Variants in FYTTD1 observed in about 807,000 individuals in gnomAD.
FYTTD1 encodes forty-two-three domain containing 1.
In FYTTD1, 22 loss-of-function variants were observed where a neutral mutation model predicts 40.9. The ratio of observed to expected loss-of-function variants is 0.54; its 90% CI spans 0.38 to 0.77. The LOEUF (loss-of-function observed/expected upper bound fraction) is 0.77. Among genes scored for constraint, FYTTD1 ranks in the 30% least tolerant of loss-of-function variants. The pLI is 0.00. For synonymous variants in FYTTD1, 140 were observed against 137.9 expected, an observed-to-expected ratio of 1.01 and a Z score of -0.10; for missense variants, 351 against 392.2, an observed-to-expected ratio of 0.90 and a Z score of 0.89.
intron 2 of FYTTD1, among the ~76,000 whole-genome samples, chr3:197,766,430 G>GTGTGTGTGTGTGTGT (rs1553909119): frequency 8.9e-5 from 12 of 135,072 alleles, no homozygotes; most frequent in East Asian, 4.7e-4. Context: ...GTTTGAGACT[G>GTGTGTGTGTGTGTGT]GTGTGTGTGT....
rs539574556 is a variant in FYTTD1, at chr3:197,761,680, T to C, written c.235+5123T>C. 2.0e-5 allele frequency among the ~76,000 whole-genome samples: 3 copies of C among 152,350 alleles called. No homozygotes were observed. In the East Asian group the frequency reaches 5.8e-4, roughly 29 times the overall value. ...GTCGTCAGGTACCCTTGGGGATCCC[T>C]AAGACATGGGGGATCCACAAGATCA... On this transcript the variant is annotated intron_variant, in intron 2 of 8. Coordinates refer to ENST00000241502, the MANE Select transcript of FYTTD1 (RefSeq NM_032288.7).
chr3:197,750,671 A>G, intron 1 of FYTTD1: 1 of 985,398 alleles, frequency 1.0e-6, no homozygotes, highest in Non-Finnish European at 1.2e-6. Flanking sequence ...TCAGAAAGGA[A>G]GCAGCGCTCG....
rs971289848 is a variant in FYTTD1 at position 197,783,476 on chromosome 3, C to T, written c.*1567C>T. 2 of 152,506 alleles carry T rather than the reference C, an allele frequency of 1.3e-5. No individual in the cohort carries two copies. The highest frequency in any genetic ancestry group is 4.8e-5 in the African/African-American group (2 of 41,394). The allele number at this position is 152,506 out of a possible 1,614,324, so 9.4% of individuals were successfully genotyped here. The stretch of plus-strand genomic sequence containing the variant: ...ATCAGTAACAGTTTCATGCTTATAC[C>T]AAAGAATTAAATCTGATCTTTAATA... On this transcript the variant is annotated 3_prime_UTR_variant, in exon 9 of 9. Transcript: ENST00000241502.
At chr3:197,780,055 G>A (rs1729986819) in intron 8 of FYTTD1, among the ~76,000 whole-genome samples, 1 of 138,878 alleles carries the variant, frequency 7.2e-6, no homozygotes, top group African/African-American at 2.8e-5. Flanking sequence ...CACACCTGGG[G>A]ATGCAGGCAC....
intron 1 of FYTTD1, chr3:197,755,702 A>G: frequency 1.3e-6 from 1 of 773,990 alleles, no homozygotes; most frequent in Non-Finnish European, 2.1e-6. Flanking sequence ...TGGTCAGGCC[A>G]GTCCCGAACT....
At chr3:197,767,287 C>T (rs990488565) in intron 2 of FYTTD1, among the ~76,000 whole-genome samples, 3 of 151,150 alleles carry the variant, frequency 2.0e-5, no homozygotes, top group East Asian at 2.0e-4. Flanking sequence ...TACAGGCACC[C>T]GCCACCACGC....
At chr3:197,765,041 CGA>C (rs1485619916) in intron 2 of FYTTD1, among the ~76,000 whole-genome samples, 3 of 151,860 alleles carry the variant, frequency 2.0e-5, no homozygotes, top group African/African-American at 7.3e-5. Context: ...TTAGTAGAGA[CGA>C]GGTTTCACCA....
intron 2 of FYTTD1, among the ~76,000 whole-genome samples, chr3:197,759,654 T>C (rs896877150): frequency 6.6e-6 from 1 of 152,094 alleles, no homozygotes; most frequent in Non-Finnish European, 1.5e-5. Context: ...TATAGAGTTG[T>C]TCTTCAGTGG....
rs192559496 is a variant in FYTTD1, at chr3:197,767,389, C to T, written c.236-1050C>T. On this transcript the variant is annotated intron_variant, in intron 2 of 8. Transcript: ENST00000241502. ...TCCTGACCTTGTGATCCACCTGCCTCGGCCTTCCAGAGTGCTGGGATTACA... is the reference window on the plus strand; with the variant it reads ...TCCTGACCTTGTGATCCACCTGCCTTGGCCTTCCAGAGTGCTGGGATTACA... Among the ~76,000 whole-genome samples, 383 of 150,822 alleles carry T rather than the reference C, an allele frequency of 2.5e-3. 3 individuals are homozygous for T. The highest frequency in any genetic ancestry group is 0.013 in the South Asian group (64 of 4,786).
chr3:197,774,805 C>T (rs562167035), intron 6 of FYTTD1, among the ~76,000 whole-genome samples: 88 of 151,176 alleles, frequency 5.8e-4, no homozygotes, highest in African/African-American at 2.1e-3. Context: ...CAGCATAGCT[C>T]GATCGCCAGT....
At chr3:197,765,519 A>G (rs1045753598) in intron 2 of FYTTD1, among the ~76,000 whole-genome samples, 2 of 152,146 alleles carry the variant, frequency 1.3e-5, no homozygotes, top group Non-Finnish European at 2.9e-5. Flanking sequence ...ATCTAGTTGC[A>G]ATTTTAGAAG....
At chr3:197,761,247 T>G (rs1204440014) in intron 2 of FYTTD1, among the ~76,000 whole-genome samples, 2 of 151,970 alleles carry the variant, frequency 1.3e-5, no homozygotes, top group Non-Finnish European at 2.9e-5. Flanking sequence ...AGTGGTAGAA[T>G]GTATAGAGTT....
At chr3:197,750,795 T>C in intron 1 of FYTTD1, 1 of 985,492 alleles carries the variant, frequency 1.0e-6, no homozygotes, top group Non-Finnish European at 1.2e-6. Flanking sequence ...GAAGGAGAGA[T>C]GATTGCTGTG....
chr3:197,770,709 T>C (rs1729692110), intron 4 of FYTTD1, among the ~76,000 whole-genome samples: 1 of 151,340 alleles, frequency 6.6e-6, no homozygotes, highest in African/African-American at 2.4e-5. Context: ...CACCATGCCC[T>C]GCTAATTTTT....
chr3:197,765,008 C>T (rs1729501763), intron 2 of FYTTD1, among the ~76,000 whole-genome samples: 2 of 151,748 alleles, frequency 1.3e-5, no homozygotes, highest in South Asian at 2.1e-4. Flanking sequence ...CACCACCACG[C>T]CTGGTGGCTA....
chr3:197,778,466 T>A lies in FYTTD1; in HGVS notation c.858+2T>A. The A allele has an allele frequency of 6.3e-7, 1 of 1,590,146 alleles. No homozygotes were observed. Among genetic ancestry groups the A allele is most frequent in the Non-Finnish European group, 8.6e-7 (1 of 1,167,360 alleles). On this transcript the variant is annotated splice_donor_variant, in intron 8 of 8. Coordinates refer to ENST00000241502, the MANE Select transcript of FYTTD1 (RefSeq NM_032288.7). LOFTEE classifies it high-confidence loss of function. Reference sequence around the variant, plus strand: ...GACATAAACAGTGTCGGAAAACAGGTAAAAAAACGTTTTCTGTATTTTCTT... The same window carrying A: ...GACATAAACAGTGTCGGAAAACAGGAAAAAAAACGTTTTCTGTATTTTCTT...
At chr3:197,755,634 T>C (rs1729191553) in intron 1 of FYTTD1, 1 of 224,832 alleles carries the variant, frequency 4.4e-6, no homozygotes. Context: ...ATTTATTTAT[T>C]TATTTATTTA....
At chr3:197,766,536 A>G (rs1389324991) in intron 2 of FYTTD1, among the ~76,000 whole-genome samples, 2 of 151,030 alleles carry the variant, frequency 1.3e-5, no homozygotes, top group African/African-American at 2.4e-5. Context: ...TCTGCTTCCC[A>G]GGCTCAAATG....
chr3:197,768,599 G>T lies in FYTTD1; in HGVS notation c.384+12G>T, dbSNP rs774110205. On this transcript the variant is annotated intron_variant, in intron 3 of 8. Transcript: ENST00000241502. ...CTCTAAGTGACAAGGTAGGATGATGGCTTAATCCTGGATTAGATATCCTTT... is the reference window on the plus strand; with the variant it reads ...CTCTAAGTGACAAGGTAGGATGATGTCTTAATCCTGGATTAGATATCCTTT... 1.9e-6 allele frequency: 3 copies of T among 1,602,116 alleles called. No individual in the cohort carries two copies. The highest frequency in any genetic ancestry group is 1.1e-5 in the South Asian group (1 of 89,394).
Sources: allele counts gnomAD v4.1 joint callset (sites outside exome capture counted in the v4.1 genomes callset), GRCh38; gene constraint gnomAD v4.1.1; transcripts MANE v1.5; gene names NCBI Gene and HGNC (gene_info 2026-07-23, HGNC 2026-07-21).